FLYWCH1: variants seen among roughly 807,000 people sequenced by gnomAD.
FLYWCH1 encodes the protein FLYWCH-type zinc finger-containing protein 1.
FLYWCH1 carries 75 observed loss-of-function variants against 66.4 expected under a neutral mutation model. The observed-to-expected ratio is 1.13, with a 90% CI of 0.94 to 1.37. The LOEUF is 1.37. Ranked by LOEUF, FLYWCH1 falls within the 40% of genes most tolerant of loss-of-function variation. The pLI is 0.00. For synonymous variants in FLYWCH1, 595 were observed against 429.9 expected (o/e 1.38, Z -4.75); for missense variants, 1,334 against 1,001.8 (o/e 1.33, Z -4.48).
rs372969188 is a variant in FLYWCH1 at position 2,933,247 on chromosome 16, G to T, written c.914G>T (p.Arg305Leu). Residue 305 changes from arginine to leucine, a missense_variant, in exon 5 of 10, where the codon CGG (arginine) becomes CTG (leucine). Transcript: ENST00000253928. ...AVGDKVYWTCRDHALHGCRSR... is the reference protein window; with the variant it reads ...AVGDKVYWTCLDHALHGCRSR... ...GGGGACAAGGTGTATTGGACCTGCC[G>T]GGACCACGCGCTGCACGGCTGCCGG... 2 of 1,613,532 alleles carry T rather than the reference G, an allele frequency of 1.2e-6. No homozygotes were observed. The highest frequency in any genetic ancestry group is 8.5e-7 in the Non-Finnish European group (1 of 1,179,794).
intron 7 of FLYWCH1, 111 bp downstream of exon 7, chr16:2,937,495 C>T (rs920403251): frequency 1.2e-5 from 15 of 1,272,616 alleles, no homozygotes; most frequent in Non-Finnish European, 1.5e-5. Context: ...GGTGGTCTGA[C>T]AGCCGGGGCC....
At chr16:2,920,071 A>G (rs1352781676) in intron 2 of FLYWCH1, among the ~76,000 whole-genome samples, 1 of 152,012 alleles carries the variant, frequency 6.6e-6, no homozygotes, top group African/African-American at 2.4e-5. Context: ...GTAGTTGTGC[A>G]TTTGAGTGGC....
At position 2,930,722 on chromosome 16, in the gene FLYWCH1, A is replaced by G; in HGVS notation, c.638A>G (p.Glu213Gly). The change falls in exon 4 of 10, where the codon GAG (glutamate) becomes GGG (glycine). Residue 213 changes from glutamate (E) to glycine (G), a missense_variant. Physicochemically the swap from Glu to Gly is moderately conservative, Grantham distance 98. Transcript: ENST00000253928. ...QGPEGPGGRV[E>G]EPLEGVGPWQ... is the part of the protein sequence containing the mutation. Reference sequence around the variant, plus strand: ...CCTGAGGGCCCTGGAGGCCGAGTGGAGGAGCCCCTGGAGGGGGTGGGCCCG... The same window carrying G: ...CCTGAGGGCCCTGGAGGCCGAGTGGGGGAGCCCCTGGAGGGGGTGGGCCCG... The G allele has an allele frequency of 1.9e-6, 3 of 1,548,820 alleles. No individual in the cohort carries two copies. Among genetic ancestry groups the G allele is most frequent in the Non-Finnish European group, 2.6e-6 (3 of 1,150,936 alleles).
rs765889434 is a variant in FLYWCH1 at position 2,949,054 on chromosome 16, T to A, written c.*327T>A. ...TGTACGGCCACAGCACCCCTGGGTTTGCAGAGCACGCAGCCTTCCTAGGGC... is the reference window on the plus strand; with the variant it reads ...TGTACGGCCACAGCACCCCTGGGTTAGCAGAGCACGCAGCCTTCCTAGGGC... On this transcript the variant is annotated 3_prime_UTR_variant, in exon 10 of 10. Transcript: ENST00000253928. The A allele has an allele frequency of 4.5e-5, 18 of 396,464 alleles. No individual in the cohort carries two copies. Among genetic ancestry groups the A allele is most frequent in the Non-Finnish European group, 7.6e-5 (16 of 210,866 alleles). 24.6% of individuals were successfully genotyped at this position (396,464 alleles called of 1,614,324 possible).
intron 2 of FLYWCH1, among the ~76,000 whole-genome samples, chr16:2,921,838 C>G (rs1349564447): frequency 6.6e-6 from 1 of 152,086 alleles, no homozygotes; most frequent in African/African-American, 2.4e-5. Context: ...CCAAGACAGG[C>G]AGATCATGAG....
intron 8 of FLYWCH1, among the ~76,000 whole-genome samples, 151 bp downstream of exon 8, chr16:2,938,607 G>GTTTTTTTTTTTT (rs35169451): frequency 7.7e-6 from 1 of 129,174 alleles, no homozygotes; most frequent in Non-Finnish European, 1.6e-5. Flanking sequence ...ACCAGTCTTT[G>GTTTTTTTTTTTT]TTTTTTTTTT....
chr16:2,920,586 G>T (rs117587371), intron 2 of FLYWCH1, among the ~76,000 whole-genome samples: 3,341 of 151,590 alleles, frequency 0.022, 63 homozygotes, highest in Non-Finnish European at 0.03. Context: ...TTGTTTGTTT[G>T]TTTTTGTTTT....
chr16:2,926,140 C>T (rs759802827), intron 2 of FLYWCH1, among the ~76,000 whole-genome samples: 3 of 152,188 alleles, frequency 2.0e-5, no homozygotes, highest in African/African-American at 4.8e-5. Flanking sequence ...GGCTGGAACC[C>T]GTGGTGACCA....
At chr16:2,918,754 AGTT>A (rs1460560685) in intron 2 of FLYWCH1, among the ~76,000 whole-genome samples, 6 of 151,912 alleles carry the variant, frequency 3.9e-5, no homozygotes, top group African/African-American at 1.4e-4. Context: ...AATGTTTTTA[AGTT>A]ATAAACATGT....
At chr16:2,934,259 T>A (rs1440314286) in intron 6 of FLYWCH1, among the ~76,000 whole-genome samples, 3 of 152,300 alleles carry the variant, frequency 2.0e-5, no homozygotes, top group South Asian at 4.1e-4. Context: ...TTCCTCCGTT[T>A]GTCTTAAGAG....
Position 2,937,362 on chromosome 16 carries a change from C to T in FLYWCH1, c.1755C>T (p.Asn585=). ...EALRQREHFP[N]LAQWDSPDPL... ...TGCGGCAGCGGGAGCACTTCCCCAACCTGGCGCAGTGGGACAGCCCAGGTG... is the reference window on the plus strand; with the variant it reads ...TGCGGCAGCGGGAGCACTTCCCCAATCTGGCGCAGTGGGACAGCCCAGGTG... Residue 585 remains asparagine (N), a synonymous_variant, in exon 7 of 10, where the codon AAC becomes AAT. Coordinates refer to ENST00000253928, the MANE Select transcript of FLYWCH1 (RefSeq NM_001308068.2). 1 of 1,582,182 alleles carries T rather than the reference C, an allele frequency of 6.3e-7. No individual in the cohort carries two copies. The highest frequency in any genetic ancestry group is 2.2e-5 in the East Asian group (1 of 44,468).
chr16:2,912,679 A>T (rs183305986), intron 1 of FLYWCH1, among the ~76,000 whole-genome samples: 1 of 152,306 alleles, frequency 6.6e-6, no homozygotes, highest in African/African-American at 2.4e-5. Flanking sequence ...GTTTAAGCTC[A>T]CATGACGCAG....
chr16:2,932,270 CAAAAAAAAAAAAA>C (rs71158125), intron 4 of FLYWCH1, among the ~76,000 whole-genome samples: 5 of 55,304 alleles, frequency 9.0e-5, no homozygotes, highest in Non-Finnish European at 1.3e-4. Flanking sequence ...GACCCTGTCT[CAAAAAAAAAAAAA>C]AAAAAAAAAA....
rs143604598 is a variant in FLYWCH1, at chr16:2,915,208, G to A, written c.-74+919G>A. The A allele has an allele frequency of 3.0e-3, 460 of 151,418 alleles. 2 individuals are homozygous for A. The highest frequency in any genetic ancestry group is 9.9e-3 in the African/African-American group (409 of 41,246). 9.4% of individuals were successfully genotyped at this position (151,418 alleles called of 1,614,324 possible). A position where few individuals can be genotyped will look rare whatever the true frequency, so the allele number is the denominator to read the frequency against. On this transcript the variant is annotated intron_variant, in intron 2 of 9. Transcript: ENST00000253928. ...GCTGGAGTGCATTGGTGTGATCTTG[G>A]CTCACTGCAACCTCCATCTCCCCGG...
intron 2 of FLYWCH1, among the ~76,000 whole-genome samples, chr16:2,923,526 G>C (rs1235756357): frequency 3.9e-5 from 6 of 152,160 alleles, no homozygotes; most frequent in Non-Finnish European, 8.8e-5. Context: ...GATGGCAGGC[G>C]TGAGCCACAG....
chr16:2,946,391 G>A (rs771371564), intron 9 of FLYWCH1, among the ~76,000 whole-genome samples: 1 of 136,510 alleles, frequency 7.3e-6, no homozygotes, highest in Non-Finnish European at 1.5e-5. Flanking sequence ...GTGAGATCTC[G>A]GCTCACTGCA....
At chr16:2,919,756 T>G (rs1252645150) in intron 2 of FLYWCH1, among the ~76,000 whole-genome samples, 1 of 152,212 alleles carries the variant, frequency 6.6e-6, no homozygotes, top group African/African-American at 2.4e-5. Context: ...TTTTCCAACT[T>G]GGAAAAATTT....
chr16:2,941,912 G>C (rs9935735), intron 9 of FLYWCH1, among the ~76,000 whole-genome samples: 2 of 143,632 alleles, frequency 1.4e-5, no homozygotes, highest in Non-Finnish European at 3.0e-5. Context: ...CAGGAGAATT[G>C]CTTGAACCCA....
At chr16:2,932,252 C>T (rs995980578) in intron 4 of FLYWCH1, among the ~76,000 whole-genome samples, 3 of 127,968 alleles carry the variant, frequency 2.3e-5, no homozygotes, top group Admixed American at 9.6e-5. Flanking sequence ...GCCTGGGCGA[C>T]GTGGCAGGAC....
Sources: gnomAD v4.1 joint callset for allele counts (sites outside exome capture counted in the v4.1 genomes callset) on GRCh38, gnomAD v4.1.1 for gene constraint, MANE v1.5 for transcripts, NCBI Gene and HGNC (gene_info 2026-07-23, HGNC 2026-07-21) for gene names.